The following HERC1 variants were observed in gnomAD, a reference collection of about 807,000 sequenced individuals.
HERC1 encodes HECT and RLD domain containing E3 ubiquitin protein ligase family member 1.
HERC1 carries 160 observed loss-of-function variants against 554.3 expected under a neutral mutation model. That is an observed-to-expected ratio of 0.29 (90% CI 0.25 to 0.33). HERC1 has a LOEUF of 0.33. HERC1 is among the 10% of genes least tolerant of loss of function. The probability of loss-of-function intolerance (pLI) is 1.00; values close to 1 mark genes in which losing one functional copy is unlikely to be tolerated. For synonymous variants in HERC1, 2,175 were observed against 2,131.7 expected (o/e 1.02, Z -0.56); for missense variants, 4,919 against 5,918.5 (o/e 0.83, Z 5.54).
In HERC1 at chr15:63,801,897, T is replaced by C. The variant is rs757953215; in HGVS notation, c.-26-26248A>G. On this transcript the variant is annotated intron_variant, in intron 1 of 77. Transcript: ENST00000443617. ...TAATGAATCCAGTCAAAACTTCTCC[T>C]GAGCTCCAGACCTGGACATCCACTG... Among the ~76,000 whole-genome samples the C allele has an allele frequency of 2.6e-4, 39 of 152,214 alleles. 1 individual carries two copies. Among genetic ancestry groups the C allele is most frequent in the Non-Finnish European group, 1.0e-4 (7 of 68,038 alleles).
At chr15:63,713,327 T>C (rs2073397921) in intron 23 of HERC1, 26 bp downstream of exon 23, 1 of 1,585,750 alleles carries the variant, frequency 6.3e-7, no homozygotes. Flanking sequence ...GAGTAGGTCA[T>C]GTTTTCAGTG....
intron 1 of HERC1, among the ~76,000 whole-genome samples, chr15:63,794,101 A>C (rs2076736429): frequency 6.6e-6 from 1 of 152,156 alleles, no homozygotes; most frequent in African/African-American, 2.4e-5. Flanking sequence ...GTCACCCTAT[A>C]TGGTCTAAAA....
intron 1 of HERC1, among the ~76,000 whole-genome samples, chr15:63,828,576 T>G (rs2146040187): frequency 6.6e-6 from 1 of 152,238 alleles, no homozygotes; most frequent in African/African-American, 2.4e-5. Context: ...CAACCTCAGG[T>G]GATCCGCCCT....
chr15:63,642,917 C>T, intron 59 of HERC1, 40 bp downstream of exon 59: 1 of 1,209,148 alleles, frequency 8.3e-7, no homozygotes, highest in Non-Finnish European at 1.2e-6. Context: ...AAGTTCCTTA[C>T]AAGCTTACAC....
Position 63,746,137 on chromosome 15 carries a change from A to G in HERC1, c.2520+781T>C, listed in dbSNP as rs188710697. On this transcript the variant is annotated intron_variant, in intron 12 of 77. Coordinates refer to ENST00000443617, the MANE Select transcript of HERC1 (RefSeq NM_003922.4). ...GAAGGTTAAATTACTGATTCGATAT[A>G]TATTTTTTTTAATATAGATGTTTAT... Among the ~76,000 whole-genome samples, 117 of 151,940 alleles carry G rather than the reference A, an allele frequency of 7.7e-4. 1 individual carries two copies. The East Asian group carries it at 0.017, about 22-fold the overall frequency.
intron 39 of HERC1, among the ~76,000 whole-genome samples, chr15:63,672,173 C>A (rs1312218884): frequency 1.3e-5 from 2 of 151,732 alleles, no homozygotes; most frequent in Non-Finnish European, 2.9e-5. Flanking sequence ...AAAGTATTTA[C>A]TTTTTGAGGA....
chr15:63,662,002 T>C lies in HERC1; in HGVS notation c.8921A>G (p.Asp2974Gly), dbSNP rs1232349444. Residue 2974 changes from aspartate (D) to glycine (G), a missense_variant, in exon 45 of 78, where the codon GAC becomes GGC. By Grantham distance (94) the Asp-to-Gly change is moderately conservative (BLOSUM62 -1). This residue lies in a region of HERC1 where 1,963 missense variants were observed against 2,228.6 expected (regional missense o/e 0.88). Transcript: ENST00000443617. The stretch of plus-strand genomic sequence containing the variant: ...TTCACACACCACCACTTCTTCCCTG[T>C]CTTCAGACTCACAAACATGCTGCAC... ...WPTWHVCESE[D>G]REEVVVCELC... 5 of 1,612,626 alleles carry C rather than the reference T, an allele frequency of 3.1e-6. No homozygotes were observed. The highest frequency in any genetic ancestry group is 1.7e-5 in the Admixed American group (1 of 59,990).
chr15:63,825,590 G>C (rs2077868770), intron 1 of HERC1, among the ~76,000 whole-genome samples: 2 of 151,910 alleles, frequency 1.3e-5, no homozygotes, highest in South Asian at 4.2e-4. Context: ...TGACTTTTGT[G>C]GGCTTATTTT....
At chr15:63,669,792 G>A in intron 39 of HERC1, 94 bp from the exon 40 acceptor site, 1 of 1,122,022 alleles carries the variant, frequency 8.9e-7, no homozygotes, top group Non-Finnish European at 1.3e-6. Context: ...CAACCTGGAA[G>A]ACTAAACAGG....
chr15:63,764,300 A>G (rs2075704100), intron 2 of HERC1, 109 bp from the exon 3 acceptor site: 1 of 711,000 alleles, frequency 1.4e-6, no homozygotes, highest in Admixed American at 2.5e-5. Context: ...CTGTTTATAT[A>G]ATTATGTGCA....
intron 1 of HERC1, among the ~76,000 whole-genome samples, chr15:63,787,960 C>CAAA (rs375499946): frequency 0.012 from 551 of 45,472 alleles, 10 homozygotes; most frequent in African/African-American, 0.039. Flanking sequence ...GACCCTGTCT[C>CAAA]AAAAAAAAAA....
rs574538486 is a variant in HERC1, at chr15:63,817,441, G to A, written c.-27+16386C>T. On this transcript the variant is annotated intron_variant, in intron 1 of 77. Transcript: ENST00000443617. ...ATTTAAAACAATCCAGAGGCCGGGT[G>A]TGGTCGCTCACACCTGTAATCCAAA... Among the ~76,000 whole-genome samples, 4 of 152,326 alleles carry A rather than the reference G, an allele frequency of 2.6e-5. No homozygotes were observed. The East Asian group carries it at 5.8e-4, about 22-fold the overall frequency.
chr15:63,667,207 C>T (rs1205744267), intron 40 of HERC1, among the ~76,000 whole-genome samples: 1 of 152,122 alleles, frequency 6.6e-6, no homozygotes, highest in Admixed American at 6.5e-5. Flanking sequence ...ATACAGCATA[C>T]TGATCAGATG....
intron 26 of HERC1, among the ~76,000 whole-genome samples, chr15:63,697,281 G>A (rs1178394225): frequency 6.6e-6 from 1 of 151,520 alleles, no homozygotes; most frequent in African/African-American, 2.4e-5. Context: ...TTTTCATGAC[G>A]ACACTTCGGA....
chr15:63,820,685 C>CTT (rs542260915), intron 1 of HERC1, among the ~76,000 whole-genome samples: 65 of 147,930 alleles, frequency 4.4e-4, no homozygotes, highest in African/African-American at 1.5e-3. Flanking sequence ...AGACGTTATC[C>CTT]TTTTTTTTTT....
At chr15:63,795,779 T>C (rs1242855239) in intron 1 of HERC1, among the ~76,000 whole-genome samples, 2 of 152,232 alleles carry the variant, frequency 1.3e-5, no homozygotes, top group African/African-American at 4.8e-5. Flanking sequence ...CCTACTGCTG[T>C]GTCCAGTTTC....
At chr15:63,704,118 T>A (rs2072876752) in intron 25 of HERC1, among the ~76,000 whole-genome samples, 1 of 151,910 alleles carries the variant, frequency 6.6e-6, no homozygotes, top group Admixed American at 6.6e-5. Context: ...GGAAAAAAAA[T>A]ACAGTCATTT....
At chr15:63,776,728 C>A (rs1439292404) in intron 1 of HERC1, among the ~76,000 whole-genome samples, 1 of 152,096 alleles carries the variant, frequency 6.6e-6, no homozygotes, top group African/African-American at 2.4e-5. Flanking sequence ...CATTCAGGGA[C>A]GCCAAGGCAG....
chr15:63,724,635 GC>G (rs1257461647), intron 18 of HERC1, among the ~76,000 whole-genome samples: 2 of 151,940 alleles, frequency 1.3e-5, no homozygotes, highest in African/African-American at 2.4e-5. Flanking sequence ...ATATCATGTA[GC>G]CTGTCTAATC....
Sources: gnomAD v4.1 joint callset for allele counts (sites outside exome capture counted in the v4.1 genomes callset) on GRCh38, gnomAD v4.1.1 for gene constraint, gnomAD v4.1.1 regional missense constraint, MANE v1.5 for transcripts, NCBI Gene and HGNC (gene_info 2026-07-23, HGNC 2026-07-21) for gene names.